The following LRRC7 variants were observed in gnomAD, a reference collection of about 807,000 sequenced individuals.
The protein encoded by LRRC7 is leucine rich repeat containing 7.
LRRC7 carries 23 observed loss-of-function variants against 175.7 expected under a neutral mutation model. That is an observed-to-expected ratio of 0.13 (90% CI 0.09 to 0.19). The LOEUF (loss-of-function observed/expected upper bound fraction) is 0.19. LRRC7 is among the 10% of genes least tolerant of loss of function. LRRC7 has a pLI of 1.00. For synonymous variants in LRRC7, 685 were observed against 680.9 expected (o/e 1.01, Z -0.09); for missense variants, 1,354 against 1,904.7 (o/e 0.71, Z 5.38).
intron 8 of LRRC7, among the ~76,000 whole-genome samples, chr1:69,973,086 A>G (rs6695807): frequency 4.1e-5 from 6 of 147,058 alleles, no homozygotes; most frequent in Middle Eastern, 3.6e-3. Context: ...TATATATATA[A>G]AAAAATACTA....
intron 8 of LRRC7, among the ~76,000 whole-genome samples, chr1:69,963,837 A>G (rs1297543926): frequency 5.9e-5 from 9 of 152,226 alleles, no homozygotes; most frequent in Non-Finnish European, 1.2e-4. Context: ...CCCAGGAAAC[A>G]TAAAATACTG....
intron 10 of LRRC7, among the ~76,000 whole-genome samples, chr1:69,987,360 C>T (rs1654031899): frequency 1.3e-5 from 2 of 152,154 alleles, no homozygotes; most frequent in South Asian, 4.1e-4. Flanking sequence ...GAGAACTCTA[C>T]GAAAAGGGTA....
At chr1:69,855,576 G>A (rs1281134945) in intron 7 of LRRC7, among the ~76,000 whole-genome samples, 1 of 152,236 alleles carries the variant, frequency 6.6e-6, no homozygotes, top group East Asian at 1.9e-4. Context: ...TAAGTGCGAT[G>A]TGGTGCTGAG....
chr1:69,655,354 C>T (rs1230986921), intron 1 of LRRC7, among the ~76,000 whole-genome samples: 1 of 151,896 alleles, frequency 6.6e-6, no homozygotes, highest in Non-Finnish European at 1.5e-5. Flanking sequence ...GAGAGTACAG[C>T]TTCTTGTAGT....
intron 7 of LRRC7, among the ~76,000 whole-genome samples, chr1:69,892,174 T>G (rs1320843973): frequency 1.3e-5 from 2 of 152,184 alleles, no homozygotes; most frequent in Non-Finnish European, 2.9e-5. Context: ...TTTCAACTAT[T>G]GGAAAGACGG....
Position 70,142,227 on chromosome 1 carries a change from T to G in LRRC7, c.*20340T>G, listed in dbSNP as rs1372871737. 6.6e-6 allele frequency: 1 copy of G among 152,128 alleles called. No homozygotes were observed. The highest frequency in any genetic ancestry group is 1.5e-5 in the Non-Finnish European group (1 of 67,976). The allele number at this position is 152,128 out of a possible 1,614,324, so 9.4% of individuals were successfully genotyped here. ...CCACTCAGAGGACTCTTATTTGGCT[T>G]GAATGTGGAAAAGGCATCTGGTTCA... On this transcript the variant is annotated 3_prime_UTR_variant, in exon 27 of 27. Coordinates refer to ENST00000651989, the MANE Select transcript of LRRC7 (RefSeq NM_001370785.2).
rs1409246494 is a variant in LRRC7, at chr1:69,702,838, A to G, written c.100+24360A>G. ...ATATAGATAGTATCCTAGGCACAAAATAATATTACTTAGTAGCCATAAGGA... is the reference window on the plus strand; with the variant it reads ...ATATAGATAGTATCCTAGGCACAAAGTAATATTACTTAGTAGCCATAAGGA... On this transcript the variant is annotated intron_variant, in intron 2 of 26. Transcript: ENST00000651989. Among the ~76,000 whole-genome samples the G allele has an allele frequency of 2.0e-5, 3 of 152,162 alleles. No homozygotes were observed. The East Asian group carries it at 5.8e-4, about 29-fold the overall frequency.
At chr1:69,740,687 AAC>A (rs1290768533) in intron 2 of LRRC7, among the ~76,000 whole-genome samples, 1 of 152,102 alleles carries the variant, frequency 6.6e-6, no homozygotes, top group Non-Finnish European at 1.5e-5. Flanking sequence ...GATTGGCCAA[AAC>A]TCAGCGATTG....
At chr1:69,699,861 C>A (rs913206721) in intron 2 of LRRC7, among the ~76,000 whole-genome samples, 4 of 152,306 alleles carry the variant, frequency 2.6e-5, no homozygotes, top group African/African-American at 4.8e-5. Flanking sequence ...TGAATTACTT[C>A]TCTAAGTGTG....
At chr1:69,650,016 C>A in intron 1 of LRRC7, among the ~76,000 whole-genome samples, 1 of 152,192 alleles carries the variant, frequency 6.6e-6, no homozygotes, top group East Asian at 1.9e-4. Context: ...GTTAGAGAAT[C>A]CATCAATGTT....
At chr1:69,671,886 A>G (rs550408243) in intron 1 of LRRC7, among the ~76,000 whole-genome samples, 40 of 152,174 alleles carry the variant, frequency 2.6e-4, no homozygotes, top group Non-Finnish European at 1.0e-4. Context: ...GGGATGGGGC[A>G]GAGTAATGTT....
chr1:69,714,236 A>G (rs1189462776), intron 2 of LRRC7, among the ~76,000 whole-genome samples: 1 of 152,188 alleles, frequency 6.6e-6, no homozygotes. Flanking sequence ...GTCTCCCTCT[A>G]GGAGGAAATT....
chr1:69,786,037 T>C (rs921856314), intron 3 of LRRC7, among the ~76,000 whole-genome samples: 17 of 152,192 alleles, frequency 1.1e-4, no homozygotes, highest in Non-Finnish European at 1.5e-5. Flanking sequence ...GATTCTTTGT[T>C]TTTCTGTAAC....
At chr1:69,816,238 A>T (rs904982008) in intron 4 of LRRC7, among the ~76,000 whole-genome samples, 3 of 152,082 alleles carry the variant, frequency 2.0e-5, no homozygotes, top group Non-Finnish European at 4.4e-5. Flanking sequence ...TCAGCCTCCT[A>T]AAGTGCTGGG....
chr1:69,600,979 C>G (rs972667144), intron 1 of LRRC7, among the ~76,000 whole-genome samples: 1 of 151,844 alleles, frequency 6.6e-6, no homozygotes, highest in African/African-American at 2.4e-5. Flanking sequence ...CTATGCCCGG[C>G]TAATTTTTGT....
intron 7 of LRRC7, among the ~76,000 whole-genome samples, chr1:69,862,747 C>A (rs1356500203): frequency 6.6e-6 from 1 of 151,838 alleles, no homozygotes; most frequent in Non-Finnish European, 1.5e-5. Context: ...GCGGAATGTA[C>A]AGTTTTGTTA....
At chr1:69,808,821 A>T (rs1406297669) in intron 4 of LRRC7, among the ~76,000 whole-genome samples, 2 of 152,198 alleles carry the variant, frequency 1.3e-5, no homozygotes, top group Non-Finnish European at 2.9e-5. Context: ...GAAAGTTCTA[A>T]AATCGACACC....
chr1:70,023,814 A>G (rs1451711214), intron 17 of LRRC7, among the ~76,000 whole-genome samples: 3 of 152,174 alleles, frequency 2.0e-5, no homozygotes, highest in Non-Finnish European at 2.9e-5. Flanking sequence ...ATTTAAATTG[A>G]GATTTGCTGA....
At chr1:69,803,575 T>G (rs1159510849) in intron 4 of LRRC7, among the ~76,000 whole-genome samples, 1 of 151,416 alleles carries the variant, frequency 6.6e-6, no homozygotes, top group Non-Finnish European at 1.5e-5. Flanking sequence ...CATTACTAAT[T>G]TTGATGTTTT....
Sources: gnomAD v4.1 joint callset for allele counts (sites outside exome capture counted in the v4.1 genomes callset) on GRCh38, gnomAD v4.1.1 for gene constraint, MANE v1.5 for transcripts, NCBI Gene and HGNC (gene_info 2026-07-23, HGNC 2026-07-21) for gene names.